HIPK2: variants seen among roughly 807,000 people sequenced by gnomAD.
The protein encoded by HIPK2 is homeodomain-interacting protein kinase 2.
HIPK2 carries 27 observed loss-of-function variants against 113.7 expected under a neutral mutation model. The ratio of observed to expected loss-of-function variants is 0.24; its 90% confidence interval spans 0.17 to 0.33. HIPK2 has a LOEUF of 0.33. Ranked by LOEUF, HIPK2 falls within the 10% of genes least tolerant of loss-of-function variation. The probability of loss-of-function intolerance (pLI) is 1.00; values close to 1 mark genes in which losing one functional copy is unlikely to be tolerated. For missense variants in HIPK2, 1,257 were observed against 1,588.0 expected, an observed-to-expected ratio of 0.79 and a Z score of 3.54; for synonymous variants, 631 against 642.2, an observed-to-expected ratio of 0.98 and a Z score of 0.26.
chr7:139,598,626 T>C (rs998818580), intron 11 of HIPK2, among the ~76,000 whole-genome samples: 13 of 152,238 alleles, frequency 8.5e-5, no homozygotes, highest in Non-Finnish European at 1.3e-4. Flanking sequence ...CCTTTCACTA[T>C]AATTATATCG....
intron 2 of HIPK2, among the ~76,000 whole-genome samples, chr7:139,639,818 T>C (rs1338604009): frequency 6.6e-6 from 1 of 152,232 alleles, no homozygotes; most frequent in East Asian, 1.9e-4. Flanking sequence ...CAGTTTTCCC[T>C]GGAGCTGGCA....
intron 2 of HIPK2, among the ~76,000 whole-genome samples, chr7:139,653,788 A>C (rs1017082612): frequency 1.3e-5 from 2 of 151,552 alleles, no homozygotes; most frequent in East Asian, 1.9e-4. Context: ...GCTGGAGTGC[A>C]GTGGCATGAT....
intron 12 of HIPK2, among the ~76,000 whole-genome samples, chr7:139,588,615 T>C (rs1413785236): frequency 1.3e-5 from 2 of 151,878 alleles, no homozygotes; most frequent in Non-Finnish European, 2.9e-5. Flanking sequence ...AGTGGGACTC[T>C]AGGAGGTCTC....
intron 7 of HIPK2, among the ~76,000 whole-genome samples, chr7:139,615,471 A>G (rs1443656302): frequency 6.6e-6 from 1 of 152,244 alleles, no homozygotes; most frequent in Non-Finnish European, 1.5e-5. Flanking sequence ...AGAAAAAGAC[A>G]TCACTTGAGA....
intron 1 of HIPK2, among the ~76,000 whole-genome samples, chr7:139,722,467 TG>T (rs1222459091): frequency 6.6e-6 from 1 of 152,220 alleles, no homozygotes; most frequent in Non-Finnish European, 1.5e-5. Context: ...AAAGCATGTA[TG>T]CAAGTCTGCA....
At chr7:139,702,557 G>A (rs1794742615) in intron 2 of HIPK2, among the ~76,000 whole-genome samples, 4 of 152,330 alleles carry the variant, frequency 2.6e-5, no homozygotes, top group African/African-American at 9.6e-5. Context: ...TTCCTGCAAA[G>A]CCAGCTGCTT....
intron 13 of HIPK2, among the ~76,000 whole-genome samples, chr7:139,578,841 T>C (rs1342948798): frequency 1.3e-5 from 2 of 152,112 alleles, no homozygotes; most frequent in Non-Finnish European, 2.9e-5. Flanking sequence ...TGGCTATTTT[T>C]TGTATTTTTT....
chr7:139,674,911 T>C (rs1802442904), intron 2 of HIPK2, among the ~76,000 whole-genome samples: 2 of 152,224 alleles, frequency 1.3e-5, no homozygotes, highest in Admixed American at 1.3e-4. Flanking sequence ...CCATCCACCC[T>C]GGCTCTTCTC....
chr7:139,691,020 A>C (rs746215554), intron 2 of HIPK2, among the ~76,000 whole-genome samples: 1 of 152,216 alleles, frequency 6.6e-6, no homozygotes, highest in Non-Finnish European at 1.5e-5. Context: ...GAGAGCCTTA[A>C]GCCTCCAATG....
chr7:139,605,467 T>A (rs1188737197), intron 9 of HIPK2, among the ~76,000 whole-genome samples: 1 of 152,166 alleles, frequency 6.6e-6, no homozygotes, highest in African/African-American at 2.4e-5. Context: ...TGACTAACAT[T>A]GGGTAATTTA....
At chr7:139,721,573 G>C (rs1795409259) in intron 1 of HIPK2, among the ~76,000 whole-genome samples, 1 of 152,132 alleles carries the variant, frequency 6.6e-6, no homozygotes, top group Non-Finnish European at 1.5e-5. Context: ...ATTGACCTCT[G>C]GACTAGTCAA....
At chr7:139,616,740 G>T (rs17161054) in intron 7 of HIPK2, among the ~76,000 whole-genome samples, 27,441 of 152,168 alleles carry the variant, frequency 0.18, 2,962 homozygotes, top group African/African-American at 0.31. Context: ...AGTACAGTTG[G>T]TCTTTCCAGC....
intron 2 of HIPK2, among the ~76,000 whole-genome samples, chr7:139,667,022 G>T (rs886157947): frequency 6.6e-6 from 1 of 151,188 alleles, no homozygotes; most frequent in Non-Finnish European, 1.5e-5. Context: ...CCGAGATTGC[G>T]CCACTGCACT....
At chr7:139,727,799 C>T (rs1372963585) in intron 1 of HIPK2, among the ~76,000 whole-genome samples, 1 of 152,180 alleles carries the variant, frequency 6.6e-6, no homozygotes, top group Admixed American at 6.5e-5. Context: ...ATTCCCAATC[C>T]AATCCAGTGC....
chr7:139,598,206 A>C (rs1377176041), intron 11 of HIPK2, among the ~76,000 whole-genome samples: 1 of 152,252 alleles, frequency 6.6e-6, no homozygotes, highest in Non-Finnish European at 1.5e-5. Context: ...GTATCTATGC[A>C]GTGAGAGACT....
At chr7:139,662,159 C>T (rs765822029) in intron 2 of HIPK2, among the ~76,000 whole-genome samples, 6 of 152,206 alleles carry the variant, frequency 3.9e-5, no homozygotes, top group African/African-American at 9.6e-5. Context: ...CAAGGGACCT[C>T]GCCCTCTTTA....
intron 1 of HIPK2, among the ~76,000 whole-genome samples, chr7:139,753,537 C>T (rs193083235): frequency 4.9e-4 from 74 of 152,332 alleles, no homozygotes; most frequent in Non-Finnish European, 8.8e-5. Context: ...GACTTGGAAC[C>T]ATCGAGGGAG....
chr7:139,590,023 G>C (rs1798963853), intron 12 of HIPK2, among the ~76,000 whole-genome samples: 1 of 152,196 alleles, frequency 6.6e-6, no homozygotes, highest in African/African-American at 2.4e-5. Flanking sequence ...GCAGATTAGA[G>C]AACTAATGGG....
chr7:139,723,194 CTT>C (rs71170911), intron 1 of HIPK2, among the ~76,000 whole-genome samples: 14,204 of 133,044 alleles, frequency 0.11, 956 homozygotes, highest in African/African-American at 0.22. Flanking sequence ...TTTCTTTCTT[CTT>C]TTTTTTTTTT....
Sources: allele counts gnomAD v4.1 joint callset (sites outside exome capture counted in the v4.1 genomes callset), GRCh38; gene constraint gnomAD v4.1.1; transcripts MANE v1.5; gene names NCBI Gene and HGNC (gene_info 2026-07-23, HGNC 2026-07-21).